Variants in TDRD12 observed in about 807,000 individuals in gnomAD.
TDRD12 encodes the protein putative ATP-dependent RNA helicase TDRD12.
In TDRD12, 158 loss-of-function variants were observed where a neutral mutation model predicts 133.5. The ratio of observed to expected loss-of-function variants is 1.18; its 90% CI spans 1.04 to 1.35. The LOEUF (loss-of-function observed/expected upper bound fraction) is 1.35. Ranked by LOEUF, TDRD12 falls within the 40% of genes most tolerant of loss-of-function variation. The probability of loss-of-function intolerance (pLI) is 0.00; values close to 1 mark genes in which losing one functional copy is unlikely to be tolerated. For synonymous variants in TDRD12, 460 were observed against 477.9 expected (o/e 0.96, Z 0.49); for missense variants, 1,443 against 1,321.3 (o/e 1.09, Z -1.43).
intron 23 of TDRD12, 83 bp from the exon 24 acceptor site, chr19:32,811,127 T>C: frequency 9.0e-7 from 1 of 1,105,824 alleles, no homozygotes; most frequent in South Asian, 1.5e-5. Context: ...TCTTTTTATA[T>C]GTTTTCCATT....
At chr19:32,754,669 CTTTTTTTTTT>C (rs35714049) in intron 6 of TDRD12, among the ~76,000 whole-genome samples, 1 of 70,072 alleles carries the variant, frequency 1.4e-5, no homozygotes, top group Non-Finnish European at 2.5e-5. Context: ...ATGACTCTAT[CTTTTTTTTTT>C]TTTTTTTTTT....
At chr19:32,798,575 TAAG>T (rs760924800) in intron 16 of TDRD12, 140 bp downstream of exon 16, 1 of 536,524 alleles carries the variant, frequency 1.9e-6, no homozygotes, top group Non-Finnish European at 3.0e-6. Flanking sequence ...CTTCTATAAT[TAAG>T]AAGAAAGAAT....
At chr19:32,749,249 G>T (rs1969749546) in intron 5 of TDRD12, among the ~76,000 whole-genome samples, 1 of 152,160 alleles carries the variant, frequency 6.6e-6, no homozygotes, top group African/African-American at 2.4e-5. Flanking sequence ...AGATGAGAAT[G>T]CGGGTCTGGA....
At chr19:32,816,468 T>A (rs1967184662) in intron 26 of TDRD12, among the ~76,000 whole-genome samples, 1 of 152,208 alleles carries the variant, frequency 6.6e-6, no homozygotes, top group Non-Finnish European at 1.5e-5. Context: ...AGGCATAAAT[T>A]CTCTAAATTC....
At chr19:32,770,111 A>G (rs529944377) in intron 8 of TDRD12, among the ~76,000 whole-genome samples, 27 of 151,492 alleles carry the variant, frequency 1.8e-4, no homozygotes, top group Non-Finnish European at 3.1e-4. Context: ...ACTTTAAGCA[A>G]TTCTCCCACC....
chr19:32,805,696 A>G (rs1486509913), intron 21 of TDRD12, among the ~76,000 whole-genome samples: 1 of 141,180 alleles, frequency 7.1e-6, no homozygotes, highest in East Asian at 2.0e-4. Flanking sequence ...TTTTAAATCC[A>G]TTGCATCTCC....
intron 19 of TDRD12, among the ~76,000 whole-genome samples, chr19:32,802,330 C>T (rs1971423665): frequency 6.7e-6 from 1 of 149,956 alleles, no homozygotes; most frequent in Admixed American, 6.7e-5. Context: ...TGACTATATA[C>T]ATATGACTAT....
downstream of TDRD12, among the ~76,000 whole-genome samples, chr19:32,823,444 G>A (rs115508724): frequency 2.0e-5 from 3 of 152,094 alleles, no homozygotes; most frequent in Non-Finnish European, 2.9e-5. Context: ...GGGTTTAGAC[G>A]CATTTCATTA....
intron 6 of TDRD12, among the ~76,000 whole-genome samples, chr19:32,754,635 A>G (rs1487926820): frequency 6.7e-6 from 1 of 149,996 alleles, no homozygotes; most frequent in Non-Finnish European, 1.5e-5. Context: ...ATCTCTTTCT[A>G]ACCATGTAGG....
chr19:32,755,101 T>G (rs2145542205), intron 6 of TDRD12, among the ~76,000 whole-genome samples: 1 of 151,292 alleles, frequency 6.6e-6, no homozygotes, highest in East Asian at 1.9e-4. Flanking sequence ...TGCATCCACG[T>G]TTGTTGTTGT....
At position 32,821,147 on chromosome 19, in the gene TDRD12, C is replaced by G. The variant is rs778776987; in HGVS notation, c.3498C>G (p.Tyr1166Ter). 56 of 1,531,908 alleles carry G rather than the reference C, an allele frequency of 3.7e-5. No individual in the cohort carries two copies. The highest frequency in any genetic ancestry group is 3.3e-4 in the South Asian group (28 of 83,664). The allele number at this position is 1,531,908 out of a possible 1,614,324, so 94.9% of individuals were successfully genotyped here. A position where few individuals can be genotyped will look rare whatever the true frequency, so the allele number is the denominator to read the frequency against. Residue 1166 changes from tyrosine to a stop codon, truncating the protein, a stop_gained, in exon 28 of 28, where the codon TAC (tyrosine) becomes TAG (stop). Coordinates refer to ENST00000444215, the Ensembl canonical transcript of TDRD12. LOFTEE classifies it low-confidence loss of function (END_TRUNC). ...CAGAAAACCAGAAGCCTGGTGGGTA[C>G]TTGGTATTCAAAAGATGGTTAAGTT...
At chr19:32,771,703 C>T (rs948292719) in intron 8 of TDRD12, among the ~76,000 whole-genome samples, 3 of 152,014 alleles carry the variant, frequency 2.0e-5, no homozygotes, top group African/African-American at 7.3e-5. Flanking sequence ...TTAACTACCA[C>T]CTCCACTCCT....
chr19:32,785,970 T>C (rs1970897246), intron 11 of TDRD12, among the ~76,000 whole-genome samples: 1 of 152,230 alleles, frequency 6.6e-6, no homozygotes, highest in African/African-American at 2.4e-5. Flanking sequence ...GATCCTGTCA[T>C]TATGATGCTA....
chr19:32,724,662 G>C (rs1968802264), intron 1 of TDRD12, among the ~76,000 whole-genome samples: 1 of 152,098 alleles, frequency 6.6e-6, no homozygotes, highest in African/African-American at 2.4e-5. Context: ...CTTTGCTATT[G>C]TGACTAGTGC....
chr19:32,789,339 T>A (rs1029468116), intron 11 of TDRD12, among the ~76,000 whole-genome samples: 4 of 152,176 alleles, frequency 2.6e-5, no homozygotes, highest in African/African-American at 9.7e-5. Context: ...TACCCTTTTT[T>A]CAAGTGTACA....
intron 11 of TDRD12, among the ~76,000 whole-genome samples, chr19:32,787,352 TCTCCCAGTCAGG>T (rs1970937913): frequency 6.6e-6 from 1 of 152,164 alleles, no homozygotes. Flanking sequence ...CTGGGAGATG[TCTCCCAGTCAGG>T]CTACACATGA....
downstream of TDRD12, among the ~76,000 whole-genome samples, chr19:32,823,925 G>A (rs781243907): frequency 2.6e-5 from 4 of 152,158 alleles, no homozygotes; most frequent in Non-Finnish European, 5.9e-5. Context: ...TGGGGCCCTC[G>A]GGGGACGTCA....
At chr19:32,719,769 G>T in exon 1 of TDRD12, 1 of 510,200 alleles carries the variant, frequency 2.0e-6, no homozygotes, top group Non-Finnish European at 3.6e-6. Flanking sequence ...CTCAAGGCCT[G>T]CTCAGCGTGC....
intron 8 of TDRD12, among the ~76,000 whole-genome samples, chr19:32,763,962 CTTG>C (rs1240347921): frequency 6.6e-6 from 1 of 152,094 alleles, no homozygotes; most frequent in African/African-American, 2.4e-5. Flanking sequence ...CAGCTTTTTA[CTTG>C]TTGTTAAGAT....
Sources: allele counts gnomAD v4.1 joint callset (sites outside exome capture counted in the v4.1 genomes callset), GRCh38; gene constraint gnomAD v4.1.1; transcripts MANE v1.5; gene names NCBI Gene and HGNC (gene_info 2026-07-23, HGNC 2026-07-21).